The following EMP2 variants were observed in gnomAD, a reference collection of about 807,000 sequenced individuals.
EMP2 encodes epithelial membrane protein 2.
Under a neutral mutation model 13.7 loss-of-function variants are expected in EMP2, and 19 were observed. The observed-to-expected ratio is 1.38, with a 90% CI of 0.97 to 2.03. EMP2 has a LOEUF of 2.03. Ranked by LOEUF, EMP2 falls within the 30% of genes most tolerant of loss-of-function variation. The pLI is 0.00. For missense variants in EMP2, 253 were observed against 220.7 expected (o/e 1.15, Z -0.93); for synonymous variants, 97 against 84.7 (o/e 1.15, Z -0.80).
intron 1 of EMP2, among the ~76,000 whole-genome samples, chr16:10,575,499 C>T (rs901185773): frequency 3.3e-5 from 5 of 151,818 alleles, no homozygotes; most frequent in African/African-American, 1.2e-4. Context: ...CGTGATCCAC[C>T]TACCTCGGCC....
chr16:10,573,235 G>T (rs943516127), intron 1 of EMP2, among the ~76,000 whole-genome samples: 1 of 152,028 alleles, frequency 6.6e-6, no homozygotes, highest in Non-Finnish European at 1.5e-5. Context: ...TTTTTTTGTA[G>T]AGACAGGGTC....
intron 2 of EMP2, chr16:10,545,936 A>AT (rs1208432204): frequency 6.6e-6 from 1 of 152,230 alleles, no homozygotes; most frequent in Non-Finnish European, 1.5e-5. Flanking sequence ...AAATGCGATT[A>AT]TTGTGCTCAT....
intron 1 of EMP2, among the ~76,000 whole-genome samples, chr16:10,553,424 T>G (rs1451717849): frequency 4.6e-5 from 7 of 152,136 alleles, no homozygotes; most frequent in African/African-American, 1.7e-4. Context: ...GAAACGCCAC[T>G]GTCCGCTTTC....
At chr16:10,546,422 T>C (rs2050739191) in intron 2 of EMP2, 2 of 152,238 alleles carry the variant, frequency 1.3e-5, no homozygotes, top group Non-Finnish European at 2.9e-5. Flanking sequence ...AGAGGTTATT[T>C]ATCCAATACA....
rs945268666 is a variant in EMP2, at chr16:10,580,381, C to T, written c.-61+168G>A. 2.0e-5 allele frequency among the ~76,000 whole-genome samples: 3 copies of T among 152,230 alleles called. No homozygotes were observed. The highest frequency in any genetic ancestry group is 7.2e-5 in the African/African-American group (3 of 41,462). On this transcript the variant is annotated intron_variant, in intron 1 of 4. Coordinates refer to ENST00000359543, the MANE Select transcript of EMP2 (RefSeq NM_001424.6). This position sits in a 1 kb window ranked among gnomAD's most constrained non-coding sequence, Gnocchi z 4.3. ...GGGCCGGAGCGAGCGTGGCGCAGAC[C>T]AGAGGTCGGCGGCATGGGTGGCACC...
intron 1 of EMP2, among the ~76,000 whole-genome samples, chr16:10,572,234 T>C (rs1269285507): frequency 6.6e-6 from 1 of 151,912 alleles, no homozygotes; most frequent in Non-Finnish European, 1.5e-5. Context: ...GGAGGGAGGA[T>C]CACTTGAGGC....
intron 3 of EMP2, among the ~76,000 whole-genome samples, chr16:10,541,899 A>G (rs1181976619): frequency 6.6e-6 from 1 of 152,212 alleles, no homozygotes; most frequent in Non-Finnish European, 1.5e-5. Flanking sequence ...TAAAGGACTT[A>G]GACCCATGCC....
intron 1 of EMP2, chr16:10,576,486 C>G (rs1216596634): frequency 1.3e-5 from 2 of 151,934 alleles, no homozygotes; most frequent in Admixed American, 1.3e-4. Flanking sequence ...CTTGGCTTGT[C>G]TGTCTGTATA....
At chr16:10,577,070 C>T (rs2050988866) in intron 1 of EMP2, among the ~76,000 whole-genome samples, 2 of 152,142 alleles carry the variant, frequency 1.3e-5, no homozygotes, top group South Asian at 4.1e-4. Context: ...GCCTGGAATC[C>T]CACTGAACTC....
intron 1 of EMP2, among the ~76,000 whole-genome samples, chr16:10,549,889 T>C (rs946159118): frequency 1.4e-4 from 19 of 138,258 alleles, no homozygotes; most frequent in East Asian, 6.0e-4. Flanking sequence ...TTTTCTTTTT[T>C]TTTTTTTTTT....
chr16:10,547,489 A>G (rs761094787), intron 2 of EMP2, 51 bp downstream of exon 2: 20 of 1,591,518 alleles, frequency 1.3e-5, no homozygotes, highest in Non-Finnish European at 1.6e-5. Context: ...ACCCACTTCT[A>G]TTGACTGCAG....
chr16:10,568,660 G>A (rs1278908938), intron 1 of EMP2, among the ~76,000 whole-genome samples: 3 of 152,082 alleles, frequency 2.0e-5, no homozygotes, highest in African/African-American at 4.8e-5. Context: ...TGGGCCCACA[G>A]TTCCTCCGAC....
At chr16:10,576,166 A>G (rs1023264960) in intron 1 of EMP2, among the ~76,000 whole-genome samples, 1 of 151,862 alleles carries the variant, frequency 6.6e-6, no homozygotes, top group Non-Finnish European at 1.5e-5. Context: ...TGCTACTTAC[A>G]TTTTTTCCCC....
Position 10,547,656 on chromosome 16 carries a change from T to A in EMP2, c.-39A>T, listed in dbSNP as rs1313250263. On this transcript the variant is annotated 5_prime_UTR_variant, in exon 2 of 5. Coordinates refer to ENST00000359543, the MANE Select transcript of EMP2 (RefSeq NM_001424.6). ...GGCGAGTCGAGGCGAGGGGTCACGTTTAAAGCCCAGAGCGGGATGTGCTGA... is the reference window on the plus strand; with the variant it reads ...GGCGAGTCGAGGCGAGGGGTCACGTATAAAGCCCAGAGCGGGATGTGCTGA... 4 of 1,605,864 alleles carry A rather than the reference T, an allele frequency of 2.5e-6. No homozygotes were observed. The highest frequency in any genetic ancestry group is 2.6e-6 in the Non-Finnish European group (3 of 1,173,152).
At chr16:10,553,898 C>A (rs2050807851) in intron 1 of EMP2, among the ~76,000 whole-genome samples, 2 of 152,234 alleles carry the variant, frequency 1.3e-5, no homozygotes, top group African/African-American at 2.4e-5. Context: ...GGCGTTGAAG[C>A]AAAGAGTATG....
At chr16:10,558,036 T>TG (rs1555460060) in intron 1 of EMP2, among the ~76,000 whole-genome samples, 3 of 151,318 alleles carry the variant, frequency 2.0e-5, no homozygotes, top group African/African-American at 7.3e-5. Flanking sequence ...TTCAAGTTTT[T>TG]TTTTTTTTTT....
chr16:10,547,716 T>A lies in EMP2; in HGVS notation c.-60-39A>T. 2.5e-6 allele frequency: 3 copies of A among 1,211,374 alleles called. No individual in the cohort carries two copies. The South Asian group carries it at 4.1e-5, about 16-fold the overall frequency. 75.0% of individuals were successfully genotyped at this position (1,211,374 alleles called of 1,614,324 possible). A position where few individuals can be genotyped will look rare whatever the true frequency, so the allele number is the denominator to read the frequency against. On this transcript the variant is annotated intron_variant, in intron 1 of 4. Transcript: ENST00000359543. Reference sequence around the variant, plus strand: ...GAAAGAGAAATTCAAAATCTGTCAATGACAAAACAAAATTACAATAAAAAA... The same window carrying A: ...GAAAGAGAAATTCAAAATCTGTCAAAGACAAAACAAAATTACAATAAAAAA...
At chr16:10,570,074 C>A (rs7190235) in intron 1 of EMP2, among the ~76,000 whole-genome samples, 8,110 of 152,060 alleles carry the variant, frequency 0.053, 727 homozygotes, top group African/African-American at 0.18. Context: ...CGATGGTTAC[C>A]GGGGTGCCCT....
At chr16:10,543,456 G>A (rs1036123554) in intron 3 of EMP2, 114 bp downstream of exon 3, 8 of 1,204,436 alleles carry the variant, frequency 6.6e-6, no homozygotes, top group Middle Eastern at 2.0e-4. Flanking sequence ...CAGGCCCACC[G>A]GAGTATGCAG....
Sources: allele counts gnomAD v4.1 joint callset (sites outside exome capture counted in the v4.1 genomes callset), GRCh38; gene constraint gnomAD v4.1.1; non-coding constraint Gnocchi (gnomAD v3.1); transcripts MANE v1.5; gene names NCBI Gene and HGNC (gene_info 2026-07-23, HGNC 2026-07-21).